Variants in GOLIM4 observed in about 807,000 individuals in gnomAD.
The protein encoded by GOLIM4 is golgi integral membrane protein 4, also known as 130 kDa golgi-localized phosphoprotein.
In GOLIM4, 71 loss-of-function variants were observed where a neutral mutation model predicts 107.4. The ratio of observed to expected loss-of-function variants is 0.66; its 90% CI spans 0.55 to 0.81. GOLIM4 has a LOEUF of 0.81. Among genes scored for constraint, GOLIM4 ranks in the 30% least tolerant of loss-of-function variants. The probability of loss-of-function intolerance (pLI) is 0.00; values close to 1 mark genes in which losing one functional copy is unlikely to be tolerated. For missense variants in GOLIM4, 830 were observed against 826.1 expected, an observed-to-expected ratio of 1.00 and a Z score of -0.06; for synonymous variants, 327 against 294.8, an observed-to-expected ratio of 1.11 and a Z score of -1.12.
At chr3:168,010,509 T>C (rs1716941571) in intron 15 of GOLIM4, 91 bp from the exon 16 acceptor site, 1 of 948,610 alleles carries the variant, frequency 1.1e-6, no homozygotes, top group African/African-American at 1.7e-5. Flanking sequence ...AAATTACTCA[T>C]TTTTGGAGGA....
chr3:168,024,745 A>G (rs532346665), intron 13 of GOLIM4, 151 bp from the exon 14 acceptor site: 2 of 861,448 alleles, frequency 2.3e-6, no homozygotes, highest in Non-Finnish European at 1.9e-6. Flanking sequence ...TTCCCAATAC[A>G]AAGCCCAGGA....
chr3:168,050,684 T>C (rs1047435571), intron 1 of GOLIM4, among the ~76,000 whole-genome samples: 4 of 151,972 alleles, frequency 2.6e-5, no homozygotes, highest in African/African-American at 9.7e-5. Context: ...GTGAATCTGA[T>C]TGCACTAATG....
intron 12 of GOLIM4, 116 bp from the exon 13 acceptor site, chr3:168,025,211 G>C (rs1006804828): frequency 5.2e-6 from 4 of 768,270 alleles, no homozygotes; most frequent in African/African-American, 1.7e-5. Flanking sequence ...CAATTGTTCA[G>C]ATCTATCCTT....
rs1293794865 is a variant in GOLIM4 at position 168,072,785 on chromosome 3, G to C, written c.187+22314C>G. ...GAAGGCAGAATTATTACAGTAAGAA[G>C]CTAACAACAGCAAATAATACTATAA... is the stretch of plus-strand genomic sequence containing the variant. On this transcript the variant is annotated intron_variant, in intron 1 of 15. Transcript: ENST00000470487. Among the ~76,000 whole-genome samples, 4 of 152,084 alleles carry C rather than the reference G, an allele frequency of 2.6e-5. No homozygotes were observed. In the East Asian group the frequency reaches 7.7e-4, roughly 29 times the overall value.
At chr3:168,019,753 A>G (rs1260389321) in intron 14 of GOLIM4, among the ~76,000 whole-genome samples, 1 of 152,214 alleles carries the variant, frequency 6.6e-6, no homozygotes, top group Admixed American at 6.5e-5. Context: ...GTGATGGTGT[A>G]TATTTCACAC....
chr3:168,095,323 G>T lies in GOLIM4; in HGVS notation c.-38C>A, dbSNP rs748834477. ...ACCCAAAGCCGCGGCCGCCCCCGCC[G>T]TCTCCTCCCCTTGGTCCGAGCGAGC... On this transcript the variant is annotated 5_prime_UTR_variant, in exon 1 of 16. Coordinates refer to ENST00000470487, the MANE Select transcript of GOLIM4 (RefSeq NM_014498.5). 8.2e-6 allele frequency: 13 copies of T among 1,581,094 alleles called. 1 individual carries two copies. In the South Asian group the frequency reaches 9.0e-5, roughly 11 times the overall value.
chr3:168,090,066 C>T (rs190514595), intron 1 of GOLIM4, among the ~76,000 whole-genome samples: 8 of 152,224 alleles, frequency 5.3e-5, no homozygotes, highest in Non-Finnish European at 1.2e-4. Context: ...GGGTGCCTGG[C>T]CAATGTTTCC....
chr3:168,044,695 G>C, intron 4 of GOLIM4, 133 bp downstream of exon 4: 1 of 599,002 alleles, frequency 1.7e-6, no homozygotes, highest in Non-Finnish European at 2.9e-6. Context: ...AGCCAAATAA[G>C]ATTTTAAAAT....
At chr3:168,055,116 A>G (rs1719870362) in intron 1 of GOLIM4, among the ~76,000 whole-genome samples, 2 of 152,096 alleles carry the variant, frequency 1.3e-5, no homozygotes. Flanking sequence ...CTAACACAGT[A>G]AATTGGTACC....
At position 168,039,796 on chromosome 3, in the gene GOLIM4, T is replaced by C. The variant is rs1333702025; in HGVS notation, c.684+990A>G. Among the ~76,000 whole-genome samples the C allele has an allele frequency of 2.6e-5, 4 of 152,304 alleles. No individual in the cohort carries two copies. In the South Asian group the frequency reaches 6.2e-4, roughly 24 times the overall value. ...AAATAATACTTGACAAAAATTTTTATAAAGAAGACGTGAAATGAAATGATC... is the reference window on the plus strand; with the variant it reads ...AAATAATACTTGACAAAAATTTTTACAAAGAAGACGTGAAATGAAATGATC... On this transcript the variant is annotated intron_variant, in intron 7 of 15. Coordinates refer to ENST00000470487, the MANE Select transcript of GOLIM4 (RefSeq NM_014498.5).
At chr3:168,069,354 C>T (rs1315883967) in intron 1 of GOLIM4, among the ~76,000 whole-genome samples, 1 of 152,172 alleles carries the variant, frequency 6.6e-6, no homozygotes, top group Non-Finnish European at 1.5e-5. Context: ...CCTATCTGAT[C>T]TGTATTGCCA....
chr3:168,093,110 A>G (rs370434606), intron 1 of GOLIM4, among the ~76,000 whole-genome samples: 18 of 152,232 alleles, frequency 1.2e-4, no homozygotes, highest in East Asian at 9.6e-4. Context: ...AGAAAAGGCA[A>G]ATTAGAAAAG....
chr3:168,060,868 TAAC>T (rs1211698029), intron 1 of GOLIM4, among the ~76,000 whole-genome samples: 1 of 152,102 alleles, frequency 6.6e-6, no homozygotes, highest in Non-Finnish European at 1.5e-5. Flanking sequence ...AGGTGGATAA[TAAC>T]AGCAGGGAAG....
intron 14 of GOLIM4, among the ~76,000 whole-genome samples, chr3:168,024,040 T>G (rs1250506914): frequency 6.6e-6 from 1 of 152,192 alleles, no homozygotes; most frequent in Admixed American, 6.5e-5. Context: ...ACTGAATTCT[T>G]AAGAAGGAAG....
intron 1 of GOLIM4, among the ~76,000 whole-genome samples, chr3:168,071,988 G>A (rs758951544): frequency 5.3e-5 from 8 of 151,974 alleles, no homozygotes; most frequent in Non-Finnish European, 1.0e-4. Flanking sequence ...GTCAAATCTC[G>A]GAAGGATACC....
chr3:168,029,251 C>T lies in GOLIM4; in HGVS notation c.1485G>A (p.Glu495=), dbSNP rs771142240. Residue 495 remains glutamate, a synonymous_variant, in exon 11 of 16, where the codon GAG becomes GAA. Transcript: ENST00000470487. The part of the protein sequence containing the change: ...AMDNDIVQGA[E]DQGIQGEEGA... The stretch of plus-strand genomic sequence containing the variant: ...CTTCCTCTCCTTGGATTCCCTGGTC[C>T]TCTGCTCCCTGAACGATATCATTAT... 14 of 1,610,390 alleles carry T rather than the reference C, an allele frequency of 8.7e-6. No homozygotes were observed. Among genetic ancestry groups the T allele is most frequent in the Admixed American group, 1.7e-5 (1 of 59,920 alleles).
Position 168,067,527 on chromosome 3 carries a change from C to A in GOLIM4, c.188-19162G>T, listed in dbSNP as rs1163169870. On this transcript the variant is annotated intron_variant, in intron 1 of 15. Transcript: ENST00000470487. Reference sequence around the variant, plus strand: ...TTGCCTTTAATTAAAAAAAAAAAAACACACACACACACAAAACTATCTTTT... The same window carrying A: ...TTGCCTTTAATTAAAAAAAAAAAAAAACACACACACACAAAACTATCTTTT... 2.0e-4 allele frequency among the ~76,000 whole-genome samples: 28 copies of A among 142,508 alleles called. No homozygotes were observed. In the East Asian group the frequency reaches 3.5e-3, roughly 18 times the overall value. The allele number at this position is 142,508 out of a possible 152,430, so 93.5% of individuals were successfully genotyped here. A position where few individuals can be genotyped will look rare whatever the true frequency, so the allele number is the denominator to read the frequency against.
chr3:168,028,529 C>G (rs931866648), intron 11 of GOLIM4, among the ~76,000 whole-genome samples: 3 of 152,134 alleles, frequency 2.0e-5, no homozygotes, highest in Admixed American at 6.5e-5. Context: ...GGGTAACTTA[C>G]CATCAGCCTT....
At chr3:168,086,322 TATA>T (rs1467687701) in intron 1 of GOLIM4, among the ~76,000 whole-genome samples, 1 of 152,184 alleles carries the variant, frequency 6.6e-6, no homozygotes, top group Admixed American at 6.5e-5. Context: ...TTAATCTGTT[TATA>T]ATATTTATTT....
Sources: allele counts gnomAD v4.1 joint callset (sites outside exome capture counted in the v4.1 genomes callset), GRCh38; gene constraint gnomAD v4.1.1; transcripts MANE v1.5; gene names NCBI Gene and HGNC (gene_info 2026-07-23, HGNC 2026-07-21).